The following RBFOX1 variants were observed in gnomAD, a reference collection of about 807,000 sequenced individuals.
RBFOX1 encodes the protein RNA binding fox-1 homolog 1, also known as RNA binding protein fox-1 homolog 1.
A neutral mutation model predicts 57.7 loss-of-function variants in RBFOX1; 8 were observed. The ratio of observed to expected loss-of-function variants is 0.14; its 90% CI spans 0.08 to 0.25. The LOEUF (loss-of-function observed/expected upper bound fraction) is 0.25, where lower values mean the gene tolerates loss of function less well. Ranked by LOEUF, RBFOX1 falls within the 10% of genes least tolerant of loss-of-function variation. The pLI is 1.00. For synonymous variants in RBFOX1, 326 were observed against 222.4 expected (o/e 1.47, Z -4.15); for missense variants, 611 against 548.5 (o/e 1.11, Z -1.14).
intron 3 of RBFOX1, among the ~76,000 whole-genome samples, chr16:6,735,180 A>T (rs1203821779): frequency 6.6e-6 from 1 of 152,090 alleles, no homozygotes; most frequent in Non-Finnish European, 1.5e-5. Context: ...AACAACAACA[A>T]CATCAACAAC....
chr16:5,753,151 C>G (rs1457989791), intron 3 of RBFOX1, among the ~76,000 whole-genome samples: 1 of 151,504 alleles, frequency 6.6e-6, no homozygotes, highest in Non-Finnish European at 1.5e-5. Context: ...CAGAACAAAA[C>G]CTTGTCTTAA....
At chr16:7,116,860 C>T (rs189438128) in intron 4 of RBFOX1, among the ~76,000 whole-genome samples, 1 of 152,072 alleles carries the variant, frequency 6.6e-6, no homozygotes, top group Non-Finnish European at 1.5e-5. Flanking sequence ...TTTGCAGTCT[C>T]GTGGGAGTCA....
chr16:5,707,605 C>T (rs956723855), intron 3 of RBFOX1, among the ~76,000 whole-genome samples: 2 of 152,216 alleles, frequency 1.3e-5, no homozygotes, highest in Non-Finnish European at 2.9e-5. Context: ...TATTTAAAGG[C>T]ACAGTTTCCA....
rs187299596 is a variant in RBFOX1, at chr16:7,228,718, G to T, written c.27+176620G>T. On this transcript the variant is annotated intron_variant, in intron 4 of 15. Transcript: ENST00000550418. ...AAGCTCAATTCAGGACGACGTGAAA[G>T]AACATTAATTCCAAGGTGAAATGTG... Among the ~76,000 whole-genome samples, 6 of 152,304 alleles carry T rather than the reference G, an allele frequency of 3.9e-5. No individual in the cohort carries two copies. In the East Asian group the frequency reaches 1.2e-3, roughly 29 times the overall value.
intron 2 of RBFOX1, among the ~76,000 whole-genome samples, chr16:6,544,793 C>T (rs1354510435): frequency 6.6e-6 from 1 of 152,164 alleles, no homozygotes; most frequent in Non-Finnish European, 1.5e-5. Context: ...TTGAATGATG[C>T]TGAGCACGTA....
At chr16:7,597,294 G>T in intron 8 of RBFOX1, 77 bp from the exon 9 acceptor site, 3 of 1,031,126 alleles carry the variant, frequency 2.9e-6, no homozygotes, top group East Asian at 2.6e-5. Context: ...AAGTAATCAC[G>T]GTCATAATGC....
intron 3 of RBFOX1, among the ~76,000 whole-genome samples, chr16:6,690,360 T>A (rs975743210): frequency 1.8e-4 from 28 of 152,146 alleles, no homozygotes; most frequent in Admixed American, 6.5e-5. Flanking sequence ...CTAGAAAAGA[T>A]AATTCACAGA....
chr16:6,542,897 C>A (rs2096843439), intron 2 of RBFOX1, among the ~76,000 whole-genome samples: 1 of 151,970 alleles, frequency 6.6e-6, no homozygotes, highest in African/African-American at 2.4e-5. Context: ...CCTCTGGGTA[C>A]ATTAGTGGGG....
At chr16:7,621,011 G>A (rs541824707) in intron 10 of RBFOX1, among the ~76,000 whole-genome samples, 9 of 152,056 alleles carry the variant, frequency 5.9e-5, no homozygotes, top group Non-Finnish European at 1.0e-4. Context: ...GCATCCCCTG[G>A]AAGCCTATGA....
intron 1 of RBFOX1, among the ~76,000 whole-genome samples, chr16:5,277,819 A>G (rs1292961533): frequency 6.6e-6 from 1 of 152,208 alleles, no homozygotes; most frequent in South Asian, 2.1e-4. Flanking sequence ...TTAGCTGAAA[A>G]TGACAGGATT....
intron 4 of RBFOX1, among the ~76,000 whole-genome samples, chr16:7,221,138 C>G (rs534643737): frequency 7.2e-4 from 109 of 152,126 alleles, no homozygotes; most frequent in African/African-American, 2.6e-3. Flanking sequence ...GTGGCTTATA[C>G]TTGAATGTCT....
At chr16:7,409,330 G>A (rs955685217) in intron 4 of RBFOX1, among the ~76,000 whole-genome samples, 2 of 152,218 alleles carry the variant, frequency 1.3e-5, no homozygotes, top group Admixed American at 1.3e-4. Context: ...GGAGCAGAAA[G>A]AGCCCTGTGA....
At position 5,426,770 on chromosome 16, in the gene RBFOX1, C is replaced by A. The variant is rs145982363; in HGVS notation, c.220-40446C>A. ...TGATTGACCCCAGGGGAGAGAGAGG[C>A]TACTTGCTGGCCAAGTGCTGGCTAC... On this transcript the variant is annotated intron_variant, in intron 1 of 2. Coordinates refer to the RBFOX1 transcript ENST00000585867. Among the ~76,000 whole-genome samples, 14 of 152,260 alleles carry A rather than the reference C, an allele frequency of 9.2e-5. 1 individual carries two copies. Among genetic ancestry groups the A allele is most frequent in the African/African-American group, 3.4e-4 (14 of 41,554 alleles).
At chr16:6,933,690 G>C (rs1185625233) in intron 3 of RBFOX1, among the ~76,000 whole-genome samples, 1 of 152,234 alleles carries the variant, frequency 6.6e-6, no homozygotes, top group African/African-American at 2.4e-5. Context: ...ACTCCAGCCT[G>C]GGGGACAGCA....
chr16:7,394,518 C>G (rs1278860742), intron 4 of RBFOX1, among the ~76,000 whole-genome samples: 1 of 152,076 alleles, frequency 6.6e-6, no homozygotes, highest in African/African-American at 2.4e-5. Flanking sequence ...GATGCATAGG[C>G]AGTGAAACCA....
Position 7,462,868 on chromosome 16 carries a change from AC to A in RBFOX1, c.28-55278del, listed in dbSNP as rs1200125511. Among the ~76,000 whole-genome samples, 12 of 151,962 alleles carry A rather than the reference AC, an allele frequency of 7.9e-5. 1 individual carries two copies. The highest frequency in any genetic ancestry group is 7.9e-4 in the Admixed American group (12 of 15,268). On this transcript the variant is annotated intron_variant, in intron 4 of 15. Coordinates refer to ENST00000550418, the MANE Select transcript of RBFOX1 (RefSeq NM_018723.4). Reference sequence around the variant, plus strand: ...GTTTCTCTTTTGCCACATCACTCTGACTCTAGTTGGAGAAAGTTGTCCACCT... The same window carrying A: ...GTTTCTCTTTTGCCACATCACTCTGATCTAGTTGGAGAAAGTTGTCCACCT...
In RBFOX1 at chr16:5,987,669, T is replaced by G. The variant is rs78321304; in HGVS notation, c.351+120334T>G. Among the ~76,000 whole-genome samples the G allele has an allele frequency of 7.2e-3, 1,092 of 152,222 alleles. 13 individuals carry two copies. Among genetic ancestry groups the G allele is most frequent in the African/African-American group, 0.026 (1,059 of 41,528 alleles). ...AGGGCACTATCATCATTCCTATGAG[T>G]AGCCACCGTACTGCAGCCCAGGCAA... On this transcript the variant is annotated intron_variant, in intron 4 of 19. Transcript: ENST00000641259.
intron 3 of RBFOX1, among the ~76,000 whole-genome samples, chr16:6,859,182 T>C (rs2058548633): frequency 1.2e-5 from 1 of 83,542 alleles, no homozygotes; most frequent in Non-Finnish European, 2.4e-5. Flanking sequence ...TATGTATATA[T>C]ATGTATATAT....
At chr16:6,781,708 C>T (rs1009901733) in intron 3 of RBFOX1, among the ~76,000 whole-genome samples, 9 of 151,988 alleles carry the variant, frequency 5.9e-5, no homozygotes, top group African/African-American at 1.9e-4. Context: ...AATCGTTGGC[C>T]TATAGTTGAT....
Sources: allele counts gnomAD v4.1 joint callset (sites outside exome capture counted in the v4.1 genomes callset), GRCh38; gene constraint gnomAD v4.1.1; transcripts MANE v1.5; gene names NCBI Gene and HGNC (gene_info 2026-07-23, HGNC 2026-07-21).